Variants in THG1L observed in about 807,000 individuals in gnomAD.
THG1L encodes probable tRNA(His) guanylyltransferase.
In THG1L, 27 loss-of-function variants were observed where a neutral mutation model predicts 35.2. That is an observed-to-expected ratio of 0.77 (90% CI 0.57 to 1.06). The LOEUF (loss-of-function observed/expected upper bound fraction) is 1.06, where lower values mean the gene tolerates loss of function less well. Ranked by LOEUF, THG1L falls within the 50% of genes least tolerant of loss-of-function variation. THG1L has a pLI of 0.00. For synonymous variants in THG1L, 135 were observed against 132.4 expected, an observed-to-expected ratio of 1.02 and a Z score of -0.14; for missense variants, 377 against 371.8, an observed-to-expected ratio of 1.01 and a Z score of -0.12.
chr5:157,731,847 C>G lies in THG1L; in HGVS notation c.191+216C>G, dbSNP rs746851186. ...CGTAATTGAATGGGCGATGTGCTCC[C>G]GTGATGAGGATCTGGCTTGGAGTGC... On this transcript the variant is annotated intron_variant, in intron 1 of 5. Transcript: ENST00000231198. Among the ~76,000 whole-genome samples, 11 of 152,348 alleles carry G rather than the reference C, an allele frequency of 7.2e-5. No homozygotes were observed. The East Asian group carries it at 7.7e-4, about 11-fold the overall frequency.
intron 4 of THG1L, among the ~76,000 whole-genome samples, chr5:157,736,806 T>A (rs6859323): frequency 0.35 from 52,501 of 152,112 alleles, 9,262 homozygotes; most frequent in East Asian, 0.54. Flanking sequence ...ATGGTGAGAA[T>A]TAAATGGCAT....
At chr5:157,732,486 G>A (rs985689427) in intron 1 of THG1L, among the ~76,000 whole-genome samples, 1 of 152,014 alleles carries the variant, frequency 6.6e-6, no homozygotes, top group Non-Finnish European at 1.5e-5. Context: ...ATAACAGAAA[G>A]ATGGGAATTT....
In THG1L at chr5:157,735,944, T is replaced by C. The variant is rs1206384905; in HGVS notation, c.627+10T>C. On this transcript the variant is annotated intron_variant, in intron 4 of 5. Coordinates refer to ENST00000231198, the MANE Select transcript of THG1L (RefSeq NM_017872.5). Reference sequence around the variant, plus strand: ...CCAAGGGAGATTACAGGTATAAAGATCTTACTACATTAATACTTAACTGGG... The same window carrying C: ...CCAAGGGAGATTACAGGTATAAAGACCTTACTACATTAATACTTAACTGGG... The C allele has an allele frequency of 6.4e-7, 1 of 1,558,416 alleles. No homozygotes were observed. The highest frequency in any genetic ancestry group is 8.8e-7 in the Non-Finnish European group (1 of 1,140,924).
At chr5:157,736,697 A>AATT (rs901693256) in intron 4 of THG1L, among the ~76,000 whole-genome samples, 26 of 152,344 alleles carry the variant, frequency 1.7e-4, no homozygotes, top group African/African-American at 5.1e-4. Context: ...TAAATGTCAT[A>AATT]ATAACTACTC....
chr5:157,737,955 G>C lies in THG1L; in HGVS notation c.696G>C (p.Leu232=). 6.2e-7 allele frequency: 1 copy of C among 1,613,184 alleles called. No homozygotes were observed. The highest frequency in any genetic ancestry group is 1.7e-5 in the Admixed American group (1 of 59,924). The change falls in exon 5 of 6, where the codon CTG becomes CTC. Residue 232 remains leucine (L), a synonymous_variant. Transcript: ENST00000231198. ...TCAACATCAACTATAATAATGAGCT[G>C]CCGATGTATAGGAAAGGGACTGTGT... ...SEFNINYNNE[L]PMYRKGTVLI... is the part of the protein sequence containing the mutation.
chr5:157,736,100 G>T (rs1301149801), intron 4 of THG1L, among the ~76,000 whole-genome samples, 166 bp downstream of exon 4: 1 of 152,084 alleles, frequency 6.6e-6, no homozygotes, highest in Non-Finnish European at 1.5e-5. Flanking sequence ...CTGCCTGCTT[G>T]GTCTGTAATC....
At chr5:157,732,528 T>C (rs1760756004) in intron 1 of THG1L, among the ~76,000 whole-genome samples, 1 of 152,180 alleles carries the variant, frequency 6.6e-6, no homozygotes. Context: ...TGTTAATGAT[T>C]ATTATAACTA....
rs376601569 is a variant in THG1L, at chr5:157,741,067, G to C, written c.*1585G>C. 2 of 152,138 alleles carry C rather than the reference G, an allele frequency of 1.3e-5. No homozygotes were observed. Among genetic ancestry groups the C allele is most frequent in the African/African-American group, 4.8e-5 (2 of 41,380 alleles). The allele number at this position is 152,138 out of a possible 1,614,324, so 9.4% of individuals were successfully genotyped here. ...CTAAAAATAGAAAAATTAGCTGGGC[G>C]TGGTGGCGTGTGCCTGCAATACCAG... is the stretch of plus-strand genomic sequence containing the variant. On this transcript the variant is annotated 3_prime_UTR_variant, in exon 6 of 6. Coordinates refer to ENST00000231198, the MANE Select transcript of THG1L (RefSeq NM_017872.5).
chr5:157,735,738 C>T lies in THG1L; in HGVS notation c.539-108C>T, dbSNP rs1760854054. On this transcript the variant is annotated intron_variant, in intron 3 of 5. Coordinates refer to ENST00000231198, the MANE Select transcript of THG1L (RefSeq NM_017872.5). ...TCAAGTCACTGAATGTCTCTGAGAT[C>T]TCTTTACTATGAAAGAGGAGAGGGT... The T allele has an allele frequency of 6.9e-6, 5 of 724,076 alleles. No individual in the cohort carries two copies. The East Asian group carries it at 1.5e-4, about 22-fold the overall frequency. 44.9% of individuals were successfully genotyped at this position (724,076 alleles called of 1,614,324 possible).
chr5:157,737,289 C>G (rs1157275596), intron 4 of THG1L, among the ~76,000 whole-genome samples: 2 of 152,058 alleles, frequency 1.3e-5, no homozygotes, highest in Non-Finnish European at 2.9e-5. Context: ...GTCAGGAGTT[C>G]AAGACCAGCC....
intron 5 of THG1L, chr5:157,738,589 G>GTTT (rs752004508): frequency 5.2e-4 from 196 of 373,922 alleles, no homozygotes; most frequent in East Asian, 9.2e-4. Flanking sequence ...AAGTTTTTTT[G>GTTT]TTTTTTTTTT....
chr5:157,739,396 A>G lies in THG1L; in HGVS notation c.811A>G (p.Arg271Gly). ...EGKKMAVTRT[R>G]TKPVPLHCDI... ...AAAAAAGATGGCAGTGACCCGGACC[A>G]GGACAAAGCCAGTGCCCTTGCACTG... The change falls in exon 6 of 6, where the codon AGG (arginine) becomes GGG (glycine). Residue 271 changes from arginine to glycine, a missense_variant. Physicochemically the swap from Arg to Gly is moderately radical, Grantham distance 125. Transcript: ENST00000231198. 1 of 1,614,054 alleles carries G rather than the reference A, an allele frequency of 6.2e-7. No individual in the cohort carries two copies.
At chr5:157,731,785 G>C (rs1290059961) in intron 1 of THG1L, among the ~76,000 whole-genome samples, 154 bp downstream of exon 1, 2 of 152,246 alleles carry the variant, frequency 1.3e-5, no homozygotes, top group African/African-American at 2.4e-5. Flanking sequence ...CCCGCCCTGC[G>C]TGTTGGCTAG....
Position 157,735,948 on chromosome 5 carries a change from A to C in THG1L, c.627+14A>C, listed in dbSNP as rs756453303. ...GGGAGATTACAGGTATAAAGATCTT[A>C]CTACATTAATACTTAACTGGGGACA... On this transcript the variant is annotated intron_variant, in intron 4 of 5. Transcript: ENST00000231198. 6.5e-7 allele frequency: 1 copy of C among 1,548,174 alleles called. No homozygotes were observed. Among genetic ancestry groups the C allele is most frequent in the South Asian group, 1.2e-5 (1 of 85,688 alleles).
At chr5:157,736,074 A>G in intron 4 of THG1L, 140 bp downstream of exon 4, 1 of 633,116 alleles carries the variant, frequency 1.6e-6, no homozygotes, top group Non-Finnish European at 2.8e-6. Flanking sequence ...TAAAAATCAT[A>G]ATAGGAGCAG....
intron 1 of THG1L, among the ~76,000 whole-genome samples, chr5:157,732,082 A>G (rs759507992): frequency 6.6e-6 from 1 of 152,072 alleles, no homozygotes; most frequent in African/African-American, 2.4e-5. Flanking sequence ...GACTAGATTC[A>G]ACAGAGAGTC....
intron 2 of THG1L, among the ~76,000 whole-genome samples, chr5:157,733,949 G>A (rs955005618): frequency 2.0e-5 from 3 of 152,102 alleles, no homozygotes; most frequent in Admixed American, 6.6e-5. Context: ...CCCAGCCTGA[G>A]GGACAGAGAG....
At chr5:157,732,840 T>G (rs368097185) in intron 1 of THG1L, 28 bp from the exon 2 acceptor site, 33 of 1,613,370 alleles carry the variant, frequency 2.0e-5, no homozygotes, top group African/African-American at 4.0e-5. Flanking sequence ...CTTCCATCCA[T>G]GCTTTCTTCC....
intron 1 of THG1L, 69 bp from the exon 2 acceptor site, chr5:157,732,799 T>C: frequency 6.4e-7 from 1 of 1,561,444 alleles, no homozygotes; most frequent in Non-Finnish European, 8.8e-7. Flanking sequence ...GCCTCTGTTA[T>C]CTAGCAACAG....
Sources: gnomAD v4.1 joint callset for allele counts (sites outside exome capture counted in the v4.1 genomes callset) on GRCh38, gnomAD v4.1.1 for gene constraint, MANE v1.5 for transcripts, NCBI Gene and HGNC (gene_info 2026-07-23, HGNC 2026-07-21) for gene names.